The following STAU2 variants were observed in gnomAD, a reference collection of about 807,000 sequenced individuals.
STAU2 encodes double-stranded RNA-binding protein Staufen homolog 2.
A neutral mutation model predicts 65.9 loss-of-function variants in STAU2; 20 were observed. The observed-to-expected ratio is 0.30, with a 90% CI of 0.21 to 0.44. STAU2 has a LOEUF of 0.44. Among genes scored for constraint, STAU2 ranks in the 20% least tolerant of loss-of-function variants. The pLI is 1.00. For missense variants in STAU2, 558 were observed against 683.9 expected, an observed-to-expected ratio of 0.82 and a Z score of 2.05; for synonymous variants, 232 against 233.9, an observed-to-expected ratio of 0.99 and a Z score of 0.07.
chr8:73,739,817 T>A lies in STAU2; in HGVS notation c.-145A>T, dbSNP rs1163065263. On this transcript the variant is annotated 5_prime_UTR_variant, in exon 2 of 15. Transcript: ENST00000524300. ...TGAGTTCTTCTTTTTCTGTCTTCTT[T>A]TTTTTCTTCAATCTTTAAAAAGTAA... 1 of 1,512,976 alleles carries A rather than the reference T, an allele frequency of 6.6e-7. No homozygotes were observed. The highest frequency in any genetic ancestry group is 1.2e-5 in the South Asian group (1 of 83,068). The allele number at this position is 1,512,976 out of a possible 1,614,324, so 93.7% of individuals were successfully genotyped here.
intron 6 of STAU2, chr8:73,672,080 A>G (rs1817722722): frequency 6.6e-6 from 1 of 152,188 alleles, no homozygotes; most frequent in Non-Finnish European, 1.5e-5. Flanking sequence ...AATGGCCACT[A>G]TATTAAGTGA....
At chr8:73,579,019 G>T (rs555274380) in intron 12 of STAU2, among the ~76,000 whole-genome samples, 7 of 134,120 alleles carry the variant, frequency 5.2e-5, no homozygotes, top group Admixed American at 7.9e-5. Context: ...AACACTAGAG[G>T]TTCTAAATAT....
At chr8:73,653,268 A>G (rs1222302337) in intron 6 of STAU2, 1 of 152,242 alleles carries the variant, frequency 6.6e-6, no homozygotes, top group Non-Finnish European at 1.5e-5. Context: ...CTTATTGTTT[A>G]TAAGGTTGAT....
At chr8:73,488,326 G>C (rs1373334884) in intron 13 of STAU2, among the ~76,000 whole-genome samples, 1 of 151,946 alleles carries the variant, frequency 6.6e-6, no homozygotes, top group Non-Finnish European at 1.5e-5. Flanking sequence ...ATATAAAAAT[G>C]GGTTCAAGTT....
chr8:73,681,747 G>A (rs1362893802), intron 5 of STAU2, among the ~76,000 whole-genome samples: 3 of 152,014 alleles, frequency 2.0e-5, no homozygotes, highest in African/African-American at 7.3e-5. Flanking sequence ...TAACACATAA[G>A]GACTCACATA....
At chr8:73,522,746 G>C (rs1233206301) in intron 13 of STAU2, among the ~76,000 whole-genome samples, 2 of 152,132 alleles carry the variant, frequency 1.3e-5, no homozygotes, top group African/African-American at 4.8e-5. Flanking sequence ...TTCTCTCCAA[G>C]ACATCACGAG....
At position 73,438,338 on chromosome 8, in the gene STAU2, G is replaced by A. The variant is rs1817868481; in HGVS notation, c.1531-15636C>T. ...CAGGGAGACAGGCAGGACAGCGACG[G>A]CAGTGGAACCAGACAGCTGTGAGGA... On this transcript the variant is annotated intron_variant, in intron 13 of 14. Coordinates refer to ENST00000524300, the MANE Select transcript of STAU2 (RefSeq NM_001164380.2). Among the ~76,000 whole-genome samples the A allele has an allele frequency of 2.0e-5, 3 of 152,218 alleles. No homozygotes were observed. The South Asian group carries it at 6.2e-4, about 32-fold the overall frequency.
At chr8:73,430,765 ACTACT>A (rs974287686) in intron 13 of STAU2, among the ~76,000 whole-genome samples, 4 of 152,360 alleles carry the variant, frequency 2.6e-5, no homozygotes, top group Middle Eastern at 3.4e-3. Context: ...TCATGTTTAA[ACTACT>A]CTAACAGAAT....
intron 5 of STAU2, among the ~76,000 whole-genome samples, 143 bp downstream of exon 5, chr8:73,688,489 CGTGTGTGTGTGTGTGTGTGTGT>C (rs34713766): frequency 6.8e-6 from 1 of 146,862 alleles, no homozygotes; most frequent in South Asian, 2.2e-4. Context: ...TTTATGCTAC[CGTGTGTGTGTGTGTGTGTGTGT>C]GTGTGTGTGT....
intron 11 of STAU2, 39 bp from the exon 12 acceptor site, chr8:73,582,869 A>C (rs1430885849): frequency 6.4e-7 from 1 of 1,574,752 alleles, no homozygotes; most frequent in South Asian, 1.2e-5. Context: ...CAGAGAAACA[A>C]GCTTATTCAA....
chr8:73,632,665 G>A (rs1390965261), intron 6 of STAU2, among the ~76,000 whole-genome samples: 1 of 152,132 alleles, frequency 6.6e-6, no homozygotes, highest in African/African-American at 2.4e-5. Context: ...TATGACCATG[G>A]TGATCTCTCA....
intron 13 of STAU2, among the ~76,000 whole-genome samples, chr8:73,515,008 A>G (rs2128925630): frequency 6.6e-6 from 1 of 152,304 alleles, no homozygotes; most frequent in East Asian, 1.9e-4. Context: ...ATGTTTCTTG[A>G]TCTTCAATGA....
intron 13 of STAU2, among the ~76,000 whole-genome samples, chr8:73,493,452 C>A (rs1406784403): frequency 2.6e-5 from 4 of 151,436 alleles, no homozygotes; most frequent in Non-Finnish European, 5.9e-5. Flanking sequence ...AGACAAACAA[C>A]CTAATTTAAA....
intron 13 of STAU2, among the ~76,000 whole-genome samples, chr8:73,465,595 T>C (rs1819609457): frequency 6.6e-6 from 1 of 152,216 alleles, no homozygotes; most frequent in Admixed American, 6.5e-5. Flanking sequence ...GTTTTTAACC[T>C]CTTTCTGCTC....
chr8:73,586,635 G>GA (rs1353219966), intron 11 of STAU2, among the ~76,000 whole-genome samples: 3 of 12,756 alleles, frequency 2.4e-4, no homozygotes, highest in Non-Finnish European at 5.1e-4. Context: ...GAGAACAGAA[G>GA]AAAAAAAATG....
At position 73,505,170 on chromosome 8, in the gene STAU2, T is replaced by G. The variant is rs1211376201; in HGVS notation, c.1530+46842A>C. Among the ~76,000 whole-genome samples the G allele has an allele frequency of 2.0e-5, 3 of 152,140 alleles. No individual in the cohort carries two copies. The South Asian group carries it at 6.2e-4, about 31-fold the overall frequency. ...AAAAGGATCAAAGAATGGGCTCTCC[T>G]TTTGAGCCAGTGTGGCAGGCTTAAT... On this transcript the variant is annotated intron_variant, in intron 13 of 14. Coordinates refer to ENST00000524300, the MANE Select transcript of STAU2 (RefSeq NM_001164380.2).
intron 1 of STAU2, among the ~76,000 whole-genome samples, chr8:73,744,205 G>A (rs924145649): frequency 6.6e-6 from 1 of 151,978 alleles, no homozygotes; most frequent in Non-Finnish European, 1.5e-5. Context: ...ACTTGGGGAG[G>A]ATTATTTAAA....
chr8:73,596,113 T>TAAA (rs79741976), intron 10 of STAU2, among the ~76,000 whole-genome samples: 9 of 134,966 alleles, frequency 6.7e-5, no homozygotes, highest in African/African-American at 2.5e-4. Context: ...ACTCCATCTT[T>TAAA]AAAAAAAAAA....
intron 3 of STAU2, among the ~76,000 whole-genome samples, chr8:73,726,772 T>G (rs1486713669): frequency 6.6e-6 from 1 of 152,254 alleles, no homozygotes. Context: ...TAGTAAGAAC[T>G]GTTTCTATAT....
Sources: gnomAD v4.1 joint callset for allele counts (sites outside exome capture counted in the v4.1 genomes callset) on GRCh38, gnomAD v4.1.1 for gene constraint, MANE v1.5 for transcripts, NCBI Gene and HGNC (gene_info 2026-07-23, HGNC 2026-07-21) for gene names.